PTPRT: variants seen among roughly 807,000 people sequenced by gnomAD.
PTPRT encodes receptor-type tyrosine-protein phosphatase T.
A neutral mutation model predicts 176.8 loss-of-function variants in PTPRT; 56 were observed. That is an observed-to-expected ratio of 0.32 (90% CI 0.26 to 0.40). PTPRT has a LOEUF of 0.40. PTPRT is among the 10% of genes least tolerant of loss of function. The pLI is 1.00. For synonymous variants in PTPRT, 783 were observed against 739.0 expected (o/e 1.06, Z -0.96); for missense variants, 1,540 against 1,908.2 (o/e 0.81, Z 3.60).
chr20:43,074,859 C>T (rs528549141), intron 1 of PTPRT, among the ~76,000 whole-genome samples: 11 of 152,350 alleles, frequency 7.2e-5, no homozygotes, highest in Non-Finnish European at 1.6e-4. Flanking sequence ...CTTCCTTTTA[C>T]TCCTCCAACA....
chr20:43,080,666 T>A (rs910374434), intron 1 of PTPRT, among the ~76,000 whole-genome samples: 3 of 152,230 alleles, frequency 2.0e-5, no homozygotes, highest in Non-Finnish European at 4.4e-5. Context: ...ACTCTCCAGC[T>A]CTTCTTGCAT....
chr20:42,730,012 C>T (rs2076436786), intron 6 of PTPRT, among the ~76,000 whole-genome samples: 2 of 152,200 alleles, frequency 1.3e-5, no homozygotes, highest in African/African-American at 4.8e-5. Flanking sequence ...CTCCCAAAAG[C>T]TCTCTGATGC....
At chr20:42,429,479 C>A (rs2059196255) in intron 9 of PTPRT, among the ~76,000 whole-genome samples, 1 of 152,088 alleles carries the variant, frequency 6.6e-6, no homozygotes, top group South Asian at 2.1e-4. Context: ...GCAGTCAACA[C>A]CCTTCCCTTG....
chr20:42,602,849 T>C (rs2073806573), intron 7 of PTPRT, among the ~76,000 whole-genome samples: 1 of 152,210 alleles, frequency 6.6e-6, no homozygotes, highest in Non-Finnish European at 1.5e-5. Flanking sequence ...GCAAATTGAA[T>C]AACCTCTTTA....
chr20:42,266,786 C>T (rs2056845209), intron 13 of PTPRT, among the ~76,000 whole-genome samples: 1 of 152,144 alleles, frequency 6.6e-6, no homozygotes. Flanking sequence ...CAACTAGGGA[C>T]AAAGATGACC....
At position 42,074,544 on chromosome 20, in the gene PTPRT, T is replaced by G. The variant is rs892453554; in HGVS notation, c.*6335A>C. 2 of 376,682 alleles carry G rather than the reference T, an allele frequency of 5.3e-6. No individual in the cohort carries two copies. The highest frequency in any genetic ancestry group is 4.1e-5 in the African/African-American group (2 of 48,234). The allele number at this position is 376,682 out of a possible 1,614,324, so 23.3% of individuals were successfully genotyped here. On this transcript the variant is annotated 3_prime_UTR_variant, in exon 31 of 31. Coordinates refer to ENST00000373187, the MANE Select transcript of PTPRT (RefSeq NM_007050.6). ...CTCACCACCCAGAGCAGTTCTCAGA[T>G]ATAGAAGGAAGCCCCATAATGATCA...
chr20:42,433,903 T>C (rs1025418626), intron 9 of PTPRT, among the ~76,000 whole-genome samples: 3 of 152,202 alleles, frequency 2.0e-5, no homozygotes, highest in Admixed American at 6.5e-5. Flanking sequence ...TCCAGTTCAC[T>C]CTTATCATAC....
chr20:42,319,145 G>A (rs1459549016), intron 11 of PTPRT, among the ~76,000 whole-genome samples: 1 of 152,046 alleles, frequency 6.6e-6, no homozygotes, highest in African/African-American at 2.4e-5. Flanking sequence ...ATTCAACCAA[G>A]CTCAAAAGCC....
Position 43,083,347 on chromosome 20 carries a change from T to TATATATATATATATAC in PTPRT, c.88+106298_88+106299insGTATATATATATATAT, listed in dbSNP as rs1555828978. On this transcript the variant is annotated intron_variant, in intron 1 of 30. Transcript: ENST00000373187. The stretch of plus-strand genomic sequence containing the variant: ...ATATATATATATATATATATATATA[T>TATATATATATATATAC]ATATATATATATATATATATATACA... 3.9e-4 allele frequency among the ~76,000 whole-genome samples: 38 copies of TATATATATATATATAC among 97,772 alleles called. 1 individual carries two copies. The highest frequency in any genetic ancestry group is 1.1e-3 in the East Asian group (4 of 3,570). 64.1% of individuals were successfully genotyped at this position (97,772 alleles called of 152,430 possible). A position where few individuals can be genotyped will look rare whatever the true frequency, so the allele number is the denominator to read the frequency against.
At chr20:42,932,328 A>C (rs1324986933) in intron 1 of PTPRT, among the ~76,000 whole-genome samples, 1 of 152,220 alleles carries the variant, frequency 6.6e-6, no homozygotes, top group Non-Finnish European at 1.5e-5. Flanking sequence ...CCTGGTCTAG[A>C]CCAAGAGATC....
At chr20:42,331,281 G>A (rs1216287286) in intron 11 of PTPRT, among the ~76,000 whole-genome samples, 1 of 152,122 alleles carries the variant, frequency 6.6e-6, no homozygotes, top group African/African-American at 2.4e-5. Context: ...TTGGCGATTA[G>A]AACCCACAGC....
intron 1 of PTPRT, among the ~76,000 whole-genome samples, chr20:42,965,290 C>T (rs990387184): frequency 6.6e-6 from 1 of 152,112 alleles, no homozygotes; most frequent in African/African-American, 2.4e-5. Flanking sequence ...TTAAATAATG[C>T]CACGATGACC....
At chr20:42,378,673 G>A (rs1199635931) in intron 9 of PTPRT, among the ~76,000 whole-genome samples, 1 of 152,138 alleles carries the variant, frequency 6.6e-6, no homozygotes, top group Non-Finnish European at 1.5e-5. Context: ...TTGTGCCACG[G>A]TTAAGATACG....
At chr20:43,101,064 CT>C (rs1460317781) in intron 1 of PTPRT, among the ~76,000 whole-genome samples, 1 of 152,138 alleles carries the variant, frequency 6.6e-6, no homozygotes, top group Admixed American at 6.5e-5. Flanking sequence ...ATGTGGCTAC[CT>C]TTTCCTTTTT....
At chr20:42,185,891 C>T (rs1990761148) in intron 16 of PTPRT, among the ~76,000 whole-genome samples, 1 of 151,960 alleles carries the variant, frequency 6.6e-6, no homozygotes, top group Non-Finnish European at 1.5e-5. Context: ...GGGTCAGGCA[C>T]TCTGCTGAGG....
At chr20:42,309,092 A>T (rs2057588401) in intron 12 of PTPRT, among the ~76,000 whole-genome samples, 2 of 152,160 alleles carry the variant, frequency 1.3e-5, no homozygotes, top group African/African-American at 4.8e-5. Context: ...GGTTAAATGT[A>T]CCCCTACATG....
At chr20:42,095,956 C>T (rs1009275781) in intron 27 of PTPRT, among the ~76,000 whole-genome samples, 2 of 152,182 alleles carry the variant, frequency 1.3e-5, no homozygotes, top group Non-Finnish European at 2.9e-5. Flanking sequence ...CCCCTACCTT[C>T]CTGACTTTCA....
intron 13 of PTPRT, among the ~76,000 whole-genome samples, chr20:42,264,521 C>G (rs2056806768): frequency 6.6e-6 from 1 of 152,224 alleles, no homozygotes; most frequent in Non-Finnish European, 1.5e-5. Flanking sequence ...CTGCAATGAT[C>G]AGCCTGGCTC....
intron 1 of PTPRT, among the ~76,000 whole-genome samples, chr20:43,092,427 A>G (rs1180059780): frequency 2.6e-5 from 4 of 152,246 alleles, no homozygotes; most frequent in Non-Finnish European, 5.9e-5. Context: ...AGAAATATGC[A>G]TTGTAGTATT....
Sources: gnomAD v4.1 joint callset for allele counts (sites outside exome capture counted in the v4.1 genomes callset) on GRCh38, gnomAD v4.1.1 for gene constraint, MANE v1.5 for transcripts, NCBI Gene and HGNC (gene_info 2026-07-23, HGNC 2026-07-21) for gene names.